The following EPHA5 variants were observed in gnomAD, a reference collection of about 807,000 sequenced individuals.
EPHA5 encodes the protein ephrin type-A receptor 5.
In EPHA5, 60 loss-of-function variants were observed where a neutral mutation model predicts 105.0. That is an observed-to-expected ratio of 0.57 (90% CI 0.46 to 0.71). The LOEUF is 0.71. Among genes scored for constraint, EPHA5 ranks in the 30% least tolerant of loss-of-function variants. The probability of loss-of-function intolerance (pLI) is 0.00; values close to 1 mark genes in which losing one functional copy is unlikely to be tolerated. For synonymous variants in EPHA5, 513 were observed against 449.1 expected (o/e 1.14, Z -1.80); for missense variants, 1,218 against 1,274.7 (o/e 0.96, Z 0.68).
intron 6 of EPHA5, among the ~76,000 whole-genome samples, chr4:65,414,728 G>C (rs1723230355): frequency 6.6e-6 from 1 of 152,068 alleles, no homozygotes; most frequent in Admixed American, 6.6e-5. Context: ...TAATGTTGTA[G>C]GAGACTGATT....
chr4:65,592,761 C>T (rs1309802350), intron 3 of EPHA5, among the ~76,000 whole-genome samples: 1 of 152,134 alleles, frequency 6.6e-6, no homozygotes, highest in Non-Finnish European at 1.5e-5. Flanking sequence ...AACTAAGAAA[C>T]ATTTTAAAAA....
intron 1 of EPHA5, among the ~76,000 whole-genome samples, chr4:65,648,309 T>C (rs1748305913): frequency 1.3e-5 from 2 of 152,324 alleles, no homozygotes; most frequent in South Asian, 4.1e-4. Context: ...ACTTTATCCT[T>C]AACATCTTGC....
At chr4:65,573,553 T>G in intron 3 of EPHA5, 2 of 1,596,062 alleles carry the variant, frequency 1.3e-6, no homozygotes, top group Admixed American at 3.3e-5. Flanking sequence ...AAGGGTAACC[T>G]CAAAGCTAAA....
At chr4:65,328,807 G>C (rs1185212659) in intron 16 of EPHA5, among the ~76,000 whole-genome samples, 2 of 151,040 alleles carry the variant, frequency 1.3e-5, no homozygotes, top group Non-Finnish European at 3.0e-5. Flanking sequence ...AGGACTGTAG[G>C]TACTCCTATG....
chr4:65,620,896 GC>G (rs1180165793), intron 2 of EPHA5, among the ~76,000 whole-genome samples: 1 of 152,148 alleles, frequency 6.6e-6, no homozygotes, highest in Non-Finnish European at 1.5e-5. Flanking sequence ...GTGGAAAACT[GC>G]AAGTGGTATG....
chr4:65,477,613 C>T (rs1729952252), intron 5 of EPHA5, among the ~76,000 whole-genome samples: 1 of 151,836 alleles, frequency 6.6e-6, no homozygotes, highest in Admixed American at 6.6e-5. Context: ...GGGGTTTCAC[C>T]ATCTTTGCCA....
At position 65,380,863 on chromosome 4, in the gene EPHA5, A is replaced by G. The variant is rs190718643; in HGVS notation, c.1794-13439T>C. Among the ~76,000 whole-genome samples the G allele has an allele frequency of 3.0e-3, 455 of 151,838 alleles. 19 individuals carry two copies. The highest frequency in any genetic ancestry group is 0.024 in the Admixed American group (358 of 15,180). The stretch of plus-strand genomic sequence containing the variant: ...TCTAAACCTATCAAAAGGCAATAAA[A>G]TGTTCTCATGCTTTGGCCCTATTGT... On this transcript the variant is annotated intron_variant, in intron 8 of 16. Coordinates refer to ENST00000613740, the MANE Select transcript of EPHA5 (RefSeq NM_001281766.3).
At chr4:65,410,834 T>C (rs550979675) in intron 7 of EPHA5, among the ~76,000 whole-genome samples, 5 of 152,264 alleles carry the variant, frequency 3.3e-5, no homozygotes, top group Admixed American at 1.3e-4. Flanking sequence ...CAAATAGATA[T>C]AGTTAGATAA....
intron 5 of EPHA5, among the ~76,000 whole-genome samples, chr4:65,446,248 T>C (rs1423216522): frequency 6.6e-6 from 1 of 152,216 alleles, no homozygotes; most frequent in Admixed American, 6.5e-5. Context: ...TTTATTGTCT[T>C]AGTATGAATA....
intron 2 of EPHA5, among the ~76,000 whole-genome samples, chr4:65,629,243 G>A (rs1332431835): frequency 2.6e-5 from 4 of 152,272 alleles, no homozygotes; most frequent in Non-Finnish European, 4.4e-5. Flanking sequence ...TGCAGCACAA[G>A]GACTTTCAGA....
At chr4:65,357,761 T>C (rs1468791675) in intron 11 of EPHA5, among the ~76,000 whole-genome samples, 1 of 151,394 alleles carries the variant, frequency 6.6e-6, no homozygotes, top group East Asian at 1.9e-4. Flanking sequence ...CAACAGTGTG[T>C]GTAGGGGTAA....
intron 3 of EPHA5, among the ~76,000 whole-genome samples, chr4:65,526,848 G>C (rs1735281206): frequency 6.6e-6 from 1 of 151,698 alleles, no homozygotes; most frequent in Admixed American, 6.6e-5. Context: ...CTTTTTATCT[G>C]CTTTTTTATT....
chr4:65,617,876 G>C (rs903470758), intron 2 of EPHA5, among the ~76,000 whole-genome samples: 1 of 152,084 alleles, frequency 6.6e-6, no homozygotes, highest in Non-Finnish European at 1.5e-5. Flanking sequence ...CAAGCCCATA[G>C]AGGTCTCAGA....
Position 65,538,241 on chromosome 4 carries a change from A to T in EPHA5, c.911-42698T>A, listed in dbSNP as rs553438027. On this transcript the variant is annotated intron_variant, in intron 3 of 16. Coordinates refer to ENST00000613740, the MANE Select transcript of EPHA5 (RefSeq NM_001281766.3). ...TTAAATAAGTATTTCTACAAGCATC[A>T]AAACTTTTGTCACTTGTTAATATTT... Among the ~76,000 whole-genome samples the T allele has an allele frequency of 1.6e-3, 239 of 151,978 alleles. 3 individuals are homozygous for T. The Middle Eastern group carries it at 0.017, about 11-fold the overall frequency.
intron 2 of EPHA5, among the ~76,000 whole-genome samples, chr4:65,630,684 T>C (rs2149490922): frequency 6.6e-6 from 1 of 152,236 alleles, no homozygotes; most frequent in African/African-American, 2.4e-5. Flanking sequence ...TTAGGTTGCC[T>C]CAAATTATTT....
At chr4:65,328,237 G>A (rs986845965) in intron 16 of EPHA5, among the ~76,000 whole-genome samples, 1 of 151,118 alleles carries the variant, frequency 6.6e-6, no homozygotes, top group South Asian at 2.1e-4. Context: ...TTTGGATTTT[G>A]TTGACAAAAT....
Position 65,523,819 on chromosome 4 carries a change from C to T in EPHA5, c.911-28276G>A, listed in dbSNP as rs149975795. Reference sequence around the variant, plus strand: ...TTTGAATACATAGGATGCCTAAAGGCACGGTTTCAGGTTCAAAGGATTTCT... The same window carrying T: ...TTTGAATACATAGGATGCCTAAAGGTACGGTTTCAGGTTCAAAGGATTTCT... On this transcript the variant is annotated intron_variant, in intron 3 of 16. Transcript: ENST00000613740. Among the ~76,000 whole-genome samples, 100 of 151,934 alleles carry T rather than the reference C, an allele frequency of 6.6e-4. 2 individuals are homozygous for T. In the East Asian group the frequency reaches 0.017, roughly 26 times the overall value.
chr4:65,541,396 T>C (rs990964553), intron 3 of EPHA5, among the ~76,000 whole-genome samples: 1 of 151,148 alleles, frequency 6.6e-6, no homozygotes, highest in African/African-American at 2.4e-5. Context: ...AAATAAAGGG[T>C]GGAGGAAAAT....
chr4:65,482,245 C>A (rs1425363836), intron 5 of EPHA5, among the ~76,000 whole-genome samples: 7 of 150,208 alleles, frequency 4.7e-5, no homozygotes, highest in Non-Finnish European at 8.9e-5. Context: ...TTACAGTGAG[C>A]CAAAATCTTG....
Sources: allele counts gnomAD v4.1 joint callset (sites outside exome capture counted in the v4.1 genomes callset), GRCh38; gene constraint gnomAD v4.1.1; transcripts MANE v1.5; gene names NCBI Gene and HGNC (gene_info 2026-07-23, HGNC 2026-07-21).